DHRS7: variants seen among roughly 807,000 people sequenced by gnomAD.
The protein encoded by DHRS7 is dehydrogenase/reductase 7, also known as dehydrogenase/reductase SDR family member 7.
DHRS7 carries 34 observed loss-of-function variants against 38.9 expected under a neutral mutation model. The ratio of observed to expected loss-of-function variants is 0.87; its 90% CI spans 0.66 to 1.16. The LOEUF is 1.16. Ranked by LOEUF, DHRS7 falls within the 50% of genes most tolerant of loss-of-function variation. The pLI is 0.00. For missense variants in DHRS7, 421 were observed against 407.0 expected (o/e 1.03, Z -0.30); for synonymous variants, 158 against 153.1 (o/e 1.03, Z -0.24).
intron 4 of DHRS7, among the ~76,000 whole-genome samples, chr14:60,150,492 C>T (rs968201134): frequency 1.7e-4 from 26 of 151,910 alleles, no homozygotes; most frequent in African/African-American, 6.3e-4. Flanking sequence ...ACAGGCCCCA[C>T]TGTGTGATGT....
intron 2 of DHRS7, among the ~76,000 whole-genome samples, chr14:60,154,687 A>G (rs1398096562): frequency 6.6e-6 from 1 of 152,250 alleles, no homozygotes; most frequent in South Asian, 2.1e-4. Context: ...ACAAGCAAGT[A>G]TAGAAAATAG....
At chr14:60,152,742 T>A in intron 4 of DHRS7, 197 bp downstream of exon 4, 1 of 601,152 alleles carries the variant, frequency 1.7e-6, no homozygotes, top group Non-Finnish European at 2.9e-6. Context: ...ACATATTTAT[T>A]TGTTCAACAA....
chr14:60,168,643 A>G (rs1896895647), upstream of DHRS7: 3 of 1,509,102 alleles, frequency 2.0e-6, no homozygotes, highest in African/African-American at 4.2e-5. Flanking sequence ...AAAATTCTAA[A>G]ACTGATCAAT....
chr14:60,156,262 G>A, intron 1 of DHRS7, 110 bp from the exon 2 acceptor site: 1 of 930,894 alleles, frequency 1.1e-6, no homozygotes, highest in Non-Finnish European at 1.5e-6. Context: ...AAATATGAAG[G>A]CATGATGTAT....
At chr14:60,164,442 C>G (rs1430270369) in intron 1 of DHRS7, among the ~76,000 whole-genome samples, 1 of 151,984 alleles carries the variant, frequency 6.6e-6, no homozygotes, top group Non-Finnish European at 1.5e-5. Context: ...ATCAGTTTCC[C>G]TATCTGGAAA....
chr14:60,163,965 T>G (rs1896813960), intron 1 of DHRS7, among the ~76,000 whole-genome samples: 2 of 152,186 alleles, frequency 1.3e-5, no homozygotes, highest in South Asian at 2.1e-4. Flanking sequence ...GTGCAGTATT[T>G]GGGATTCCTG....
At chr14:60,155,562 C>T (rs1035673238) in intron 2 of DHRS7, among the ~76,000 whole-genome samples, 1 of 152,140 alleles carries the variant, frequency 6.6e-6, no homozygotes, top group African/African-American at 2.4e-5. Flanking sequence ...AAAGCTAATT[C>T]CATTCCTGTT....
chr14:60,157,758 T>TAAAC (rs59024863), intron 1 of DHRS7, among the ~76,000 whole-genome samples: 41,075 of 151,676 alleles, frequency 0.27, 7,537 homozygotes, highest in African/African-American at 0.52. Context: ...AACTACTGAA[T>TAAAC]AAACACCCAA....
chr14:60,169,612 G>A (rs769049148), upstream of DHRS7: 1 of 152,236 alleles, frequency 6.6e-6, no homozygotes, highest in Non-Finnish European at 1.5e-5. Context: ...CCCAAAAGGG[G>A]TGACCCTTTG....
In DHRS7 at chr14:60,152,928, A is replaced by C; in HGVS notation, c.633+11T>G. 2 of 1,613,894 alleles carry C rather than the reference A, an allele frequency of 1.2e-6. No homozygotes were observed. Among genetic ancestry groups the C allele is most frequent in the South Asian group, 2.2e-5 (2 of 91,076 alleles). On this transcript the variant is annotated intron_variant, in intron 4 of 6. Coordinates refer to ENST00000557185, the MANE Select transcript of DHRS7 (RefSeq NM_016029.4). ...GTCAGTTCTATCAGAGTTGAGTTTG[A>C]GCAGCCTTACCCGGAGAGCATGCTT...
At chr14:60,160,064 G>A (rs534044882) in intron 1 of DHRS7, among the ~76,000 whole-genome samples, 3 of 152,234 alleles carry the variant, frequency 2.0e-5, no homozygotes, top group African/African-American at 7.2e-5. Context: ...AGTGGCTCAC[G>A]CCTGTAATCC....
At chr14:60,163,818 G>A (rs1322959337) in intron 1 of DHRS7, among the ~76,000 whole-genome samples, 1 of 152,146 alleles carries the variant, frequency 6.6e-6, no homozygotes, top group African/African-American at 2.4e-5. Flanking sequence ...AATTCTCCAA[G>A]TCCAAGTGAA....
rs760854059 is a variant in DHRS7 at position 60,144,917 on chromosome 14, A to C, written c.*49T>G. ...GAAGCATAAGAAGATTGCTGTTTTCATGTTTTCCATTTCTCCCTCCAGTGG... is the reference window on the plus strand; with the variant it reads ...GAAGCATAAGAAGATTGCTGTTTTCCTGTTTTCCATTTCTCCCTCCAGTGG... On this transcript the variant is annotated 3_prime_UTR_variant, in exon 7 of 7. Transcript: ENST00000557185. 1 of 1,470,696 alleles carries C rather than the reference A, an allele frequency of 6.8e-7. No individual in the cohort carries two copies. The highest frequency in any genetic ancestry group is 1.2e-5 in the South Asian group (1 of 86,712). 91.1% of individuals were successfully genotyped at this position (1,470,696 alleles called of 1,614,324 possible). A position where few individuals can be genotyped will look rare whatever the true frequency, so the allele number is the denominator to read the frequency against.
upstream of DHRS7, among the ~76,000 whole-genome samples, chr14:60,167,054 T>A (rs994729631): frequency 6.6e-6 from 1 of 152,238 alleles, no homozygotes; most frequent in South Asian, 2.1e-4. Flanking sequence ...TAGTATTTGA[T>A]AGTGCAATGG....
At chr14:60,160,086 G>A (rs1896733895) in intron 1 of DHRS7, among the ~76,000 whole-genome samples, 1 of 152,166 alleles carries the variant, frequency 6.6e-6, no homozygotes, top group African/African-American at 2.4e-5. Flanking sequence ...AGCACTTTGG[G>A]AGGCCGAGGC....
intron 5 of DHRS7, 46 bp from the exon 6 acceptor site, chr14:60,149,614 A>C (rs1409494684): frequency 6.7e-7 from 1 of 1,489,018 alleles, no homozygotes; most frequent in Admixed American, 2.0e-5. Flanking sequence ...GCGATTTCAC[A>C]TAACTTTAAG....
At chr14:60,157,187 A>G (rs1035608923) in intron 1 of DHRS7, among the ~76,000 whole-genome samples, 5 of 152,216 alleles carry the variant, frequency 3.3e-5, no homozygotes, top group African/African-American at 1.2e-4. Flanking sequence ...ATCCCTGGAG[A>G]CTGCCAGGGT....
chr14:60,152,798 G>T (rs188211145), intron 4 of DHRS7, 141 bp downstream of exon 4: 2 of 808,824 alleles, frequency 2.5e-6, no homozygotes, highest in East Asian at 2.7e-5. Flanking sequence ...TCTACTGGGG[G>T]TGTCCTCTAC....
chr14:60,159,610 T>C (rs529970199), intron 1 of DHRS7, among the ~76,000 whole-genome samples: 1 of 152,248 alleles, frequency 6.6e-6, no homozygotes, highest in South Asian at 2.1e-4. Flanking sequence ...GATTTGTGGG[T>C]TTAGCCCTGT....
Sources: allele counts gnomAD v4.1 joint callset (sites outside exome capture counted in the v4.1 genomes callset), GRCh38; gene constraint gnomAD v4.1.1; transcripts MANE v1.5; gene names NCBI Gene and HGNC (gene_info 2026-07-23, HGNC 2026-07-21).